PRSS23: variants seen among roughly 807,000 people sequenced by gnomAD.
PRSS23 encodes protease, serine 23.
A neutral mutation model predicts 34.7 loss-of-function variants in PRSS23; 25 were observed. That is an observed-to-expected ratio of 0.72 (90% CI 0.53 to 1.01). The LOEUF is 1.01. Ranked by LOEUF, PRSS23 falls within the 50% of genes least tolerant of loss-of-function variation. The pLI is 0.00. For missense variants in PRSS23, 445 were observed against 475.6 expected (o/e 0.94, Z 0.60); for synonymous variants, 176 against 186.6 (o/e 0.94, Z 0.46).
chr11:86,922,288 A>G (rs150975030), intron 2 of PRSS23, among the ~76,000 whole-genome samples: 2 of 152,284 alleles, frequency 1.3e-5, no homozygotes, highest in African/African-American at 4.8e-5. Context: ...CCTCTGATAA[A>G]TCAGATGGAC....
intron 1 of PRSS23, among the ~76,000 whole-genome samples, chr11:86,801,651 A>G (rs1251192291): frequency 6.6e-6 from 1 of 152,234 alleles, no homozygotes; most frequent in Non-Finnish European, 1.5e-5. Context: ...CAAAAGCCCT[A>G]TGTCAAAGTA....
chr11:86,933,107 G>C (rs1433170715), intron 2 of PRSS23: 1 of 152,398 alleles, frequency 6.6e-6, no homozygotes, highest in Non-Finnish European at 1.5e-5. Context: ...TACCTCTGGA[G>C]ACAGCTGGAG....
At chr11:86,941,929 T>C (rs1025533225) in intron 2 of PRSS23, among the ~76,000 whole-genome samples, 4 of 152,190 alleles carry the variant, frequency 2.6e-5, no homozygotes, top group African/African-American at 7.2e-5. Context: ...CCTCCCCTCC[T>C]TCCTTACTCC....
intron 2 of PRSS23, among the ~76,000 whole-genome samples, chr11:86,927,070 G>A (rs1489114955): frequency 1.3e-5 from 2 of 152,116 alleles, no homozygotes; most frequent in Non-Finnish European, 2.9e-5. Flanking sequence ...AGAACCTCTG[G>A]ATTCTATTCT....
chr11:86,828,826 ACT>A (rs1271650614), intron 2 of PRSS23, among the ~76,000 whole-genome samples: 1 of 151,794 alleles, frequency 6.6e-6, no homozygotes, highest in African/African-American at 2.4e-5. Context: ...ATTGGCCCCC[ACT>A]CTCTTCTGGC....
intron 2 of PRSS23, among the ~76,000 whole-genome samples, chr11:86,923,547 T>C (rs990582092): frequency 1.3e-5 from 2 of 152,210 alleles, no homozygotes; most frequent in Non-Finnish European, 2.9e-5. Context: ...TATCTCAGAC[T>C]TTTTCTCTGG....
chr11:86,916,689 GC>G (rs941884786), intron 2 of PRSS23, among the ~76,000 whole-genome samples: 1 of 152,040 alleles, frequency 6.6e-6, no homozygotes, highest in African/African-American at 2.4e-5. Flanking sequence ...GAGAAGAGGT[GC>G]CCCCACTCAG....
chr11:86,830,148 C>G (rs553258393), intron 2 of PRSS23, among the ~76,000 whole-genome samples: 20 of 151,768 alleles, frequency 1.3e-4, no homozygotes, highest in African/African-American at 4.8e-4. Context: ...CTCCACCCAG[C>G]TCGAGCTTCC....
chr11:86,888,392 G>A (rs967674967), intron 2 of PRSS23, among the ~76,000 whole-genome samples: 1 of 152,156 alleles, frequency 6.6e-6, no homozygotes, highest in African/African-American at 2.4e-5. Flanking sequence ...GTGGACACTT[G>A]GTATTTGCCA....
intron 2 of PRSS23, chr11:86,833,316 G>A (rs1948375603): frequency 3.8e-6 from 5 of 1,310,158 alleles, no homozygotes; most frequent in Middle Eastern, 1.9e-4. Context: ...CAGAGCTGAC[G>A]GCCAGGATAA....
Position 86,883,894 on chromosome 11 carries a change from A to G in PRSS23, c.206+60301A>G, listed in dbSNP as rs530415861. ...ATATTTATGAATTGTAAGCATTAGTATGCTTCCTAAGCACCTCAAATTTAG... is the reference window on the plus strand; with the variant it reads ...ATATTTATGAATTGTAAGCATTAGTGTGCTTCCTAAGCACCTCAAATTTAG... On this transcript the variant is annotated intron_variant, in intron 2 of 2. Transcript: ENST00000533902. 7.2e-5 allele frequency among the ~76,000 whole-genome samples: 11 copies of G among 152,268 alleles called. No homozygotes were observed. In the East Asian group the frequency reaches 1.9e-3, roughly 27 times the overall value.
intron 2 of PRSS23, among the ~76,000 whole-genome samples, chr11:86,889,071 G>C (rs1590914767): frequency 6.6e-6 from 1 of 152,210 alleles, no homozygotes; most frequent in South Asian, 2.1e-4. Flanking sequence ...GAAATGACAA[G>C]GAAGTGAAAA....
intron 2 of PRSS23, among the ~76,000 whole-genome samples, chr11:86,926,060 C>A (rs1328000050): frequency 6.6e-6 from 1 of 152,170 alleles, no homozygotes; most frequent in African/African-American, 2.4e-5. Context: ...ACATTCATTT[C>A]TTTATTTAAA....
intron 2 of PRSS23, among the ~76,000 whole-genome samples, chr11:86,878,791 C>G (rs562897067): frequency 6.6e-6 from 1 of 151,190 alleles, no homozygotes; most frequent in East Asian, 2.0e-4. Flanking sequence ...CGTCTCTGCC[C>G]GGCCACCATC....
chr11:86,944,284 T>C (rs1949225875), intron 2 of PRSS23, among the ~76,000 whole-genome samples: 1 of 151,752 alleles, frequency 6.6e-6, no homozygotes, highest in Admixed American at 6.6e-5. Flanking sequence ...TACTAGATAT[T>C]AGATTAGAAC....
At chr11:86,895,478 T>TTC (rs34042455) in intron 2 of PRSS23, among the ~76,000 whole-genome samples, 2 of 1,708 alleles carry the variant, frequency 1.2e-3, no homozygotes, top group Non-Finnish European at 2.7e-3. Flanking sequence ...TATTTTATCC[T>TTC]TTTTTTTTTT....
rs935645045 is a variant in PRSS23 at position 86,807,745 on chromosome 11, A to G, written c.102A>G (p.Ala34=). 3.1e-6 allele frequency: 5 copies of G among 1,614,124 alleles called. No homozygotes were observed. Among genetic ancestry groups the G allele is most frequent in the Non-Finnish European group, 4.2e-6 (5 of 1,180,016 alleles). The change falls in exon 2 of 2, where the codon GCA becomes GCG. Residue 34 remains alanine, a synonymous_variant. Coordinates refer to ENST00000280258, the MANE Select transcript of PRSS23 (RefSeq NM_007173.6). ...YSAPWKPTWP[A]YRLPVVLPQS... is the part of the protein sequence containing the mutation. ...CCCCCTGGAAACCCACTTGGCCTGC[A>G]TACCGCCTCCCTGTCGTCTTGCCCC... is the stretch of plus-strand genomic sequence containing the variant.
rs533016267 is a variant in PRSS23, at chr11:86,856,169, TAAGA to T, written c.206+32582_206+32585del. Among the ~76,000 whole-genome samples the T allele has an allele frequency of 2.7e-3, 415 of 152,270 alleles. 2 individuals carry two copies. The highest frequency in any genetic ancestry group is 9.6e-3 in the African/African-American group (397 of 41,552). ...AATGTAAAATGAAAATGCTAAGTGG[TAAGA>T]AAGAACAGCATAATAAAAATTTGCA... is the stretch of plus-strand genomic sequence containing the variant. On this transcript the variant is annotated intron_variant, in intron 2 of 2. Transcript: ENST00000533902.
At chr11:86,842,410 A>G (rs895644663) in intron 2 of PRSS23, among the ~76,000 whole-genome samples, 7 of 152,222 alleles carry the variant, frequency 4.6e-5, no homozygotes, top group Non-Finnish European at 8.8e-5. Context: ...CCAATTCAAC[A>G]TAGTGTTGGA....
Sources: gnomAD v4.1 joint callset for allele counts (sites outside exome capture counted in the v4.1 genomes callset) on GRCh38, gnomAD v4.1.1 for gene constraint, MANE v1.5 for transcripts, NCBI Gene and HGNC (gene_info 2026-07-23, HGNC 2026-07-21) for gene names.